The following TMEM121 variants were observed in gnomAD, a reference collection of about 807,000 sequenced individuals.
TMEM121 encodes transmembrane protein 121.
Under a neutral mutation model 16.4 loss-of-function variants are expected in TMEM121, and 8 were observed. The observed-to-expected ratio is 0.49, with a 90% confidence interval of 0.29 to 0.88. The LOEUF (loss-of-function observed/expected upper bound fraction) is 0.88, where lower values mean the gene tolerates loss of function less well. Among genes scored for constraint, TMEM121 ranks in the 40% least tolerant of loss-of-function variants. The pLI is 0.09. For missense variants in TMEM121, 401 were observed against 462.0 expected, an observed-to-expected ratio of 0.87 and a Z score of 1.21; for synonymous variants, 235 against 226.2, an observed-to-expected ratio of 1.04 and a Z score of -0.35.
Position 105,529,356 on chromosome 14 carries a change from G to A in TMEM121, c.522G>A (p.Gly174=), listed in dbSNP as rs1555444247. 1.3e-6 allele frequency: 2 copies of A among 1,540,396 alleles called. No individual in the cohort carries two copies. Among genetic ancestry groups the A allele is most frequent in the South Asian group, 2.4e-5 (2 of 83,966 alleles). ...QASLWEPPRS[G]LPLWAEGLTF... Reference sequence around the variant, plus strand: ...GCCTGTGGGAGCCGCCGCGCTCCGGGCTGCCGCTGTGGGCCGAGGGCCTCA... The same window carrying A: ...GCCTGTGGGAGCCGCCGCGCTCCGGACTGCCGCTGTGGGCCGAGGGCCTCA... Residue 174 remains glycine, a synonymous_variant, in exon 2 of 2, where the codon GGG becomes GGA. Transcript: ENST00000392519.
chr14:105,528,901 G>A lies in TMEM121; in HGVS notation c.67G>A (p.Ala23Thr). Residue 23 changes from alanine (A) to threonine (T), a missense_variant, in exon 2 of 2, where the codon GCC becomes ACC. Coordinates refer to ENST00000392519, the MANE Select transcript of TMEM121 (RefSeq NM_025268.4). ...CACGCTGGTGATCATGGGCAGCATG[G>A]CCGTCATGGACGCGTACCTGGTGGA... is the stretch of plus-strand genomic sequence containing the variant. ...LTTLVIMGSM[A>T]VMDAYLVEQN... 1 of 1,566,666 alleles carries A rather than the reference G, an allele frequency of 6.4e-7. No individual in the cohort carries two copies. Among genetic ancestry groups the A allele is most frequent in the Admixed American group, 1.9e-5 (1 of 52,710 alleles).
At position 105,529,445 on chromosome 14, in the gene TMEM121, T is replaced by A. The variant is rs782587530; in HGVS notation, c.611T>A (p.Met204Lys). ...LPCVALSEVS[M>K]QGEHIAPQKM... ...TGCGTGGCGCTCAGCGAGGTCAGCA[T>A]GCAGGGCGAGCACATAGCGCCGCAG... Residue 204 changes from methionine to lysine, a missense_variant, in exon 2 of 2, where the codon ATG (methionine) becomes AAG (lysine). Coordinates refer to ENST00000392519, the MANE Select transcript of TMEM121 (RefSeq NM_025268.4). The A allele has an allele frequency of 6.5e-7, 1 of 1,546,500 alleles. No individual in the cohort carries two copies.
chr14:105,529,106 A>C lies in TMEM121; in HGVS notation c.272A>C (p.Tyr91Ser), dbSNP rs1555444174. ...LYIFVLEIKL[Y>S]FIFQNYKAAR... is the part of the protein sequence containing the mutation. ...ATCTTCGTGCTGGAGATCAAGCTCTACTTCATCTTCCAGAACTACAAGGCG... is the reference window on the plus strand; with the variant it reads ...ATCTTCGTGCTGGAGATCAAGCTCTCCTTCATCTTCCAGAACTACAAGGCG... The change falls in exon 2 of 2, where the codon TAC becomes TCC. Residue 91 changes from tyrosine to serine, a missense_variant. Coordinates refer to ENST00000392519, the MANE Select transcript of TMEM121 (RefSeq NM_025268.4). The C allele has an allele frequency of 1.2e-6, 2 of 1,611,026 alleles. No individual in the cohort carries two copies. The highest frequency in any genetic ancestry group is 4.5e-5 in the East Asian group (2 of 44,862).
intron 1 of TMEM121, among the ~76,000 whole-genome samples, chr14:105,527,704 G>T (rs1355760350): frequency 1.3e-5 from 2 of 151,966 alleles, no homozygotes; most frequent in Non-Finnish European, 2.9e-5. Flanking sequence ...TAAATTTTAT[G>T]CCTTTGTCTA....
In TMEM121 at chr14:105,526,842, G is replaced by A. The variant is rs1197688842; in HGVS notation, c.-114+189G>A. The stretch of plus-strand genomic sequence containing the variant: ...GGCCCTGCGTGGGGAAGCCTCGGGG[G>A]GACAAGCAGAGACGCAGCCTGCTGG... On this transcript the variant is annotated intron_variant, in intron 1 of 1. Transcript: ENST00000392519. The surrounding 1 kb of genome is among the most constrained non-coding windows in gnomAD (Gnocchi z 6.8). 1.3e-5 allele frequency among the ~76,000 whole-genome samples: 2 copies of A among 151,920 alleles called. No individual in the cohort carries two copies. The highest frequency in any genetic ancestry group is 2.9e-5 in the Non-Finnish European group (2 of 67,870).
chr14:105,527,211 TG>T (rs2084595384), intron 1 of TMEM121: 1 of 152,172 alleles, frequency 6.6e-6, no homozygotes, highest in Non-Finnish European at 1.5e-5. Flanking sequence ...ATCTGCCAAG[TG>T]ACTGAGGATC....
At position 105,529,151 on chromosome 14, in the gene TMEM121, A is replaced by G. The variant is rs1555444189; in HGVS notation, c.317A>G (p.Asp106Gly). 1 of 1,598,384 alleles carries G rather than the reference A, an allele frequency of 6.3e-7. No individual in the cohort carries two copies. Among genetic ancestry groups the G allele is most frequent in the African/African-American group, 1.3e-5 (1 of 74,818 alleles). ...NYKAARRGAA[D>G]PVARKALTLL... ...AAGGCGGCGCGGCGCGGCGCGGCGGACCCCGTGGCGCGCAAGGCGCTGACG... is the reference window on the plus strand; with the variant it reads ...AAGGCGGCGCGGCGCGGCGCGGCGGGCCCCGTGGCGCGCAAGGCGCTGACG... The change falls in exon 2 of 2, where the codon GAC becomes GGC. Residue 106 changes from aspartate to glycine, a missense_variant. Transcript: ENST00000392519.
chr14:105,529,371 C>G lies in TMEM121; in HGVS notation c.537C>G (p.Ala179=), dbSNP rs1477589587. 2.6e-6 allele frequency: 4 copies of G among 1,541,740 alleles called. No individual in the cohort carries two copies. The highest frequency in any genetic ancestry group is 1.4e-5 in the African/African-American group (1 of 73,004). Residue 179 remains alanine (A), a synonymous_variant, in exon 2 of 2, where the codon GCC becomes GCG. Transcript: ENST00000392519. ...CGCGCTCCGGGCTGCCGCTGTGGGC[C>G]GAGGGCCTCACCTTCTTCTACTGCT... ...EPPRSGLPLW[A]EGLTFFYCYM...
chr14:105,529,828 G>T lies in TMEM121; in HGVS notation c.*34G>T. 7.2e-7 allele frequency: 1 copy of T among 1,383,582 alleles called. No homozygotes were observed. The allele number at this position is 1,383,582 out of a possible 1,614,324, so 85.7% of individuals were successfully genotyped here. A position where few individuals can be genotyped will look rare whatever the true frequency, so the allele number is the denominator to read the frequency against. ...GCGCGGCCCCCGACACGCCCCTGGG[G>T]CGCAGAGACACCGGGTTGGCTTGGG... On this transcript the variant is annotated 3_prime_UTR_variant, in exon 2 of 2. Coordinates refer to ENST00000392519, the MANE Select transcript of TMEM121 (RefSeq NM_025268.4).
intron 1 of TMEM121, among the ~76,000 whole-genome samples, chr14:105,528,308 TGCG>T (rs1448150122): frequency 6.7e-6 from 1 of 149,050 alleles, no homozygotes; most frequent in Non-Finnish European, 1.5e-5. Context: ...CCCTGCCCAG[TGCG>T]GCGGCGGGGA....
At position 105,529,793 on chromosome 14, in the gene TMEM121, G is replaced by A. The variant is rs1595494892; in HGVS notation, c.959G>A (p.Ter320=). 7.0e-7 allele frequency: 1 copy of A among 1,426,306 alleles called. No individual in the cohort carries two copies. Among genetic ancestry groups the A allele is most frequent in the Non-Finnish European group, 9.1e-7 (1 of 1,102,624 alleles). The allele number at this position is 1,426,306 out of a possible 1,614,324, so 88.4% of individuals were successfully genotyped here. ...SSPTRDPLDT[*] ...CCCACGCGTGACCCCCTGGACACGT[G>A]ACAGGGCCCGCGCGGCCCCCGACAC... Residue 320 remains the stop codon, a stop_retained_variant, in exon 2 of 2, where the codon TGA becomes TAA. Transcript: ENST00000392519.
Position 105,530,009 on chromosome 14 carries a change from G to A in TMEM121, c.*215G>A, listed in dbSNP as rs1340138168. The A allele has an allele frequency of 1.1e-5, 6 of 526,378 alleles. No individual in the cohort carries two copies. The highest frequency in any genetic ancestry group is 2.0e-5 in the Non-Finnish European group (6 of 304,058). 32.6% of individuals were successfully genotyped at this position (526,378 alleles called of 1,614,324 possible). A position where few individuals can be genotyped will look rare whatever the true frequency, so the allele number is the denominator to read the frequency against. On this transcript the variant is annotated 3_prime_UTR_variant, in exon 2 of 2. Coordinates refer to ENST00000392519, the MANE Select transcript of TMEM121 (RefSeq NM_025268.4). ...GCTCCACCAGCCCGCCCCAGCGCGT[G>A]GGTCTGTTTGGGAGGCCTGGGCCGG...
chr14:105,528,132 G>T (rs1555444010), intron 1 of TMEM121, among the ~76,000 whole-genome samples: 2 of 151,766 alleles, frequency 1.3e-5, no homozygotes, highest in Non-Finnish European at 2.9e-5. Flanking sequence ...GAGCCTGCCC[G>T]TGCAGGGAGG....
At chr14:105,528,079 G>A (rs1413185585) in intron 1 of TMEM121, among the ~76,000 whole-genome samples, 1 of 151,836 alleles carries the variant, frequency 6.6e-6, no homozygotes, top group African/African-American at 2.4e-5. Flanking sequence ...GAGCAGGGCA[G>A]GCAGTGGCCA....
In TMEM121 at chr14:105,529,028, C is replaced by T. The variant is rs781866198; in HGVS notation, c.194C>T (p.Ala65Val). 1.9e-6 allele frequency: 3 copies of T among 1,612,104 alleles called. No individual in the cohort carries two copies. The highest frequency in any genetic ancestry group is 2.5e-6 in the Non-Finnish European group (3 of 1,179,732). ...CGCTACGTGGCCGTGTGGGTGGGCG[C>T]CGAGGTGCGCACGGCCAAGCGCGGC... ...VLRYVAVWVGAEVRTAKRGYA... is the reference protein window; with the variant it reads ...VLRYVAVWVGVEVRTAKRGYA... Residue 65 changes from alanine to valine, a missense_variant, in exon 2 of 2, where the codon GCC becomes GTC. By Grantham distance (64) the Ala-to-Val change is moderately conservative. Transcript: ENST00000392519.
In TMEM121 at chr14:105,528,076, G is replaced by A. The variant is rs2084603486; in HGVS notation, c.-113-646G>A. ...GCAATGCGGAGCCATGGGGAGCAGG[G>A]CAGGCAGTGGCCACGCGCCCAGGAT... On this transcript the variant is annotated intron_variant, in intron 1 of 1. Transcript: ENST00000392519. Among the ~76,000 whole-genome samples the A allele has an allele frequency of 2.0e-5, 3 of 151,824 alleles. No individual in the cohort carries two copies. In the South Asian group the frequency reaches 6.2e-4, roughly 31 times the overall value.
intron 1 of TMEM121, among the ~76,000 whole-genome samples, chr14:105,527,699 T>G (rs1232296096): frequency 1.3e-5 from 2 of 151,792 alleles, no homozygotes; most frequent in South Asian, 2.1e-4. Context: ...GACATTAAAT[T>G]TTATGCCTTT....
In TMEM121 at chr14:105,528,788, C is replaced by T. The variant is rs1655178887; in HGVS notation, c.-47C>T. 1.5e-6 allele frequency: 2 copies of T among 1,300,004 alleles called. No homozygotes were observed. Among genetic ancestry groups the T allele is most frequent in the African/African-American group, 3.1e-5 (2 of 63,982 alleles). The allele number at this position is 1,300,004 out of a possible 1,614,324, so 80.5% of individuals were successfully genotyped here. On this transcript the variant is annotated 5_prime_UTR_variant, in exon 2 of 2. Coordinates refer to ENST00000392519, the MANE Select transcript of TMEM121 (RefSeq NM_025268.4). ...TGAGCGCCGCAGGGCCTCGTCCCGC[C>T]AGGCGTGGGGGCCGCGCGCGCCCAG... is the stretch of plus-strand genomic sequence containing the variant.
Position 105,529,680 on chromosome 14 carries a change from G to C in TMEM121, c.846G>C (p.Glu282Asp). The C allele has an allele frequency of 6.4e-7, 1 of 1,556,162 alleles. No individual in the cohort carries two copies. The highest frequency in any genetic ancestry group is 8.6e-7 in the Non-Finnish European group (1 of 1,159,300). Residue 282 changes from glutamate to aspartate, a missense_variant, in exon 2 of 2, where the codon GAG (glutamate) becomes GAC (aspartate). By Grantham distance (45) the Glu-to-Asp change is conservative. Coordinates refer to ENST00000392519, the MANE Select transcript of TMEM121 (RefSeq NM_025268.4). ...TCCCGCCGCCTGCGCTATCACTGGA[G>C]CTGCAGCCGCCACCCCCGCAGCGCA... ...RDFPPPALSL[E>D]LQPPPPQRNS...
Sources: allele counts gnomAD v4.1 joint callset (sites outside exome capture counted in the v4.1 genomes callset), GRCh38; gene constraint gnomAD v4.1.1; non-coding constraint Gnocchi (gnomAD v3.1); transcripts MANE v1.5; gene names NCBI Gene and HGNC (gene_info 2026-07-23, HGNC 2026-07-21).